Variants in CTNNA2 observed in about 807,000 individuals in gnomAD.
CTNNA2 encodes the protein catenin alpha-2.
In CTNNA2, 42 loss-of-function variants were observed where a neutral mutation model predicts 101.0. The observed-to-expected ratio is 0.42, with a 90% CI of 0.32 to 0.54. The LOEUF (loss-of-function observed/expected upper bound fraction) is 0.54. Ranked by LOEUF, CTNNA2 falls within the 20% of genes least tolerant of loss-of-function variation. The pLI is 0.14. For missense variants in CTNNA2, 871 were observed against 1,223.1 expected, an observed-to-expected ratio of 0.71 and a Z score of 4.29; for synonymous variants, 450 against 456.4, an observed-to-expected ratio of 0.99 and a Z score of 0.18.
chr2:80,185,903 G>A (rs1316101774), intron 7 of CTNNA2, among the ~76,000 whole-genome samples: 1 of 152,114 alleles, frequency 6.6e-6, no homozygotes, highest in African/African-American at 2.4e-5. Context: ...TTTCCACTGG[G>A]TCATCTCTTA....
chr2:80,167,135 C>T (rs1049733655), intron 7 of CTNNA2, among the ~76,000 whole-genome samples: 2 of 152,014 alleles, frequency 1.3e-5, no homozygotes, highest in Non-Finnish European at 2.9e-5. Flanking sequence ...TAGTAATTGC[C>T]ATTATTGTTA....
At chr2:80,475,669 A>G (rs561925633) in intron 9 of CTNNA2, among the ~76,000 whole-genome samples, 1 of 152,248 alleles carries the variant, frequency 6.6e-6, no homozygotes, top group South Asian at 2.1e-4. Context: ...CTTTGTTCAC[A>G]TATGCATTTG....
intron 3 of CTNNA2, among the ~76,000 whole-genome samples, chr2:79,327,284 C>T (rs138508555): frequency 3.3e-5 from 5 of 152,200 alleles, no homozygotes; most frequent in African/African-American, 9.6e-5. Flanking sequence ...AGAAGAGTGA[C>T]GATAAATCTT....
intron 7 of CTNNA2, among the ~76,000 whole-genome samples, chr2:80,329,064 T>A (rs1273784246): frequency 1.3e-5 from 2 of 152,234 alleles, no homozygotes; most frequent in Non-Finnish European, 2.9e-5. Context: ...GCAGTTGGTA[T>A]TCCTTTTGAT....
chr2:79,729,029 C>A (rs1204824328), intron 2 of CTNNA2, among the ~76,000 whole-genome samples: 1 of 152,036 alleles, frequency 6.6e-6, no homozygotes, highest in Admixed American at 6.6e-5. Context: ...ATAAAACTTA[C>A]CATCATGAAC....
intron 6 of CTNNA2, among the ~76,000 whole-genome samples, chr2:79,880,798 T>G (rs986424685): frequency 2.0e-5 from 3 of 151,944 alleles, no homozygotes; most frequent in African/African-American, 7.3e-5. Context: ...TTTTGGAGGG[T>G]TTTTTGTGTC....
chr2:80,226,521 G>A (rs909391396), intron 7 of CTNNA2, among the ~76,000 whole-genome samples: 2 of 152,196 alleles, frequency 1.3e-5, no homozygotes, highest in African/African-American at 4.8e-5. Flanking sequence ...TACATCTCTC[G>A]GATCCAACTC....
chr2:79,728,855 C>A (rs1024408990), intron 2 of CTNNA2, among the ~76,000 whole-genome samples: 1 of 152,040 alleles, frequency 6.6e-6, no homozygotes, highest in African/African-American at 2.4e-5. Flanking sequence ...TTGCTTGTTT[C>A]TCTCAGGTTT....
intron 7 of CTNNA2, among the ~76,000 whole-genome samples, chr2:80,233,508 A>G (rs1206882434): frequency 2.0e-5 from 3 of 152,094 alleles, no homozygotes; most frequent in African/African-American, 7.2e-5. Context: ...TCCCCCTTCT[A>G]TCAGTCCCCC....
upstream of CTNNA2, among the ~76,000 whole-genome samples, chr2:79,509,978 T>C (rs10192323): frequency 1.4e-3 from 216 of 152,342 alleles, 2 homozygotes; most frequent in African/African-American, 4.7e-3. Context: ...TTTCTGGAGC[T>C]GACAGACTGA....
chr2:80,559,891 T>TATATATATACACACACACACAC (rs1553387588), intron 12 of CTNNA2, among the ~76,000 whole-genome samples: 3 of 146,818 alleles, frequency 2.0e-5, no homozygotes, highest in African/African-American at 5.2e-5. Context: ...TATATATATA[T>TATATATATACACACACACACAC]ACACACACAT....
intron 9 of CTNNA2, among the ~76,000 whole-genome samples, chr2:80,532,899 C>T (rs998774623): frequency 6.6e-6 from 1 of 151,938 alleles, no homozygotes; most frequent in Non-Finnish European, 1.5e-5. Context: ...AGAGCTGTAC[C>T]CCAGAGGTAA....
chr2:80,525,842 C>A (rs534947036), intron 9 of CTNNA2, among the ~76,000 whole-genome samples: 2 of 152,128 alleles, frequency 1.3e-5, no homozygotes, highest in East Asian at 3.9e-4. Flanking sequence ...AGGTGCAATA[C>A]GTGTGCCTGG....
intron 7 of CTNNA2, among the ~76,000 whole-genome samples, chr2:80,169,435 A>G (rs1311709412): frequency 6.6e-6 from 1 of 152,210 alleles, no homozygotes; most frequent in African/African-American, 2.4e-5. Context: ...TTATAAAGGT[A>G]TACGTGTTAC....
At chr2:80,024,961 G>A (rs1694841758) in intron 7 of CTNNA2, among the ~76,000 whole-genome samples, 1 of 152,168 alleles carries the variant, frequency 6.6e-6, no homozygotes, top group African/African-American at 2.4e-5. Context: ...GGGTCTCAGA[G>A]GGAAGGGGAG....
intron 7 of CTNNA2, among the ~76,000 whole-genome samples, chr2:80,276,702 T>C (rs770057419): frequency 1.1e-4 from 17 of 151,622 alleles, no homozygotes; most frequent in Non-Finnish European, 1.9e-4. Flanking sequence ...GGAGGAGGGA[T>C]GTGCCAGACT....
intron 3 of CTNNA2, among the ~76,000 whole-genome samples, chr2:79,366,233 C>A (rs1053793137): frequency 5.3e-5 from 8 of 152,136 alleles, no homozygotes; most frequent in Non-Finnish European, 1.0e-4. Flanking sequence ...GATGTGTCAT[C>A]TGCAAAACAA....
At chr2:79,538,020 C>T (rs1404639260) in intron 1 of CTNNA2, among the ~76,000 whole-genome samples, 8 of 151,924 alleles carry the variant, frequency 5.3e-5, no homozygotes, top group Admixed American at 5.2e-4. Flanking sequence ...CTGTTCATTC[C>T]AAGAGAGGGA....
chr2:79,831,954 C>CT (rs1328396316), intron 3 of CTNNA2, among the ~76,000 whole-genome samples: 1 of 151,968 alleles, frequency 6.6e-6, no homozygotes, highest in Non-Finnish European at 1.5e-5. Flanking sequence ...TTCCAGTTTT[C>CT]TTTAATAACC....
Sources: gnomAD v4.1 joint callset for allele counts (sites outside exome capture counted in the v4.1 genomes callset) on GRCh38, gnomAD v4.1.1 for gene constraint, MANE v1.5 for transcripts, NCBI Gene and HGNC (gene_info 2026-07-23, HGNC 2026-07-21) for gene names.